TEAD1: variants seen among roughly 807,000 people sequenced by gnomAD.
TEAD1 encodes transcriptional enhancer factor TEF-1.
In TEAD1, 9 loss-of-function variants were observed where a neutral mutation model predicts 54.9. The ratio of observed to expected loss-of-function variants is 0.16; its 90% CI spans 0.10 to 0.29. TEAD1 has a LOEUF of 0.29. Ranked by LOEUF, TEAD1 falls within the 10% of genes least tolerant of loss-of-function variation. TEAD1 has a pLI of 1.00. For missense variants in TEAD1, 387 were observed against 535.9 expected (o/e 0.72, Z 2.74); for synonymous variants, 200 against 187.8 (o/e 1.07, Z -0.53).
At chr11:12,782,372 G>A (rs919177488) in intron 3 of TEAD1, among the ~76,000 whole-genome samples, 6 of 152,242 alleles carry the variant, frequency 3.9e-5, no homozygotes, top group Non-Finnish European at 7.4e-5. Flanking sequence ...CATATTGTAC[G>A]ATTCCATTTA....
In TEAD1 at chr11:12,730,416, G is replaced by GTT. The variant is rs59731479; in HGVS notation, c.-54-33738_-54-33737dup. ...TGAAACTTTTGATTCCCAGTTGAGTGTTTTTTTTTTTTTTTTTTTTTTTTT... is the reference window on the plus strand; with the variant it reads ...TGAAACTTTTGATTCCCAGTTGAGTGTTTTTTTTTTTTTTTTTTTTTTTTTTT... On this transcript the variant is annotated intron_variant, in intron 2 of 12. Transcript: ENST00000527636. 8.6e-3 allele frequency among the ~76,000 whole-genome samples: 521 copies of GTT among 60,238 alleles called. 48 individuals are homozygous for GTT. Among genetic ancestry groups the GTT allele is most frequent in the Non-Finnish European group, 0.013 (426 of 33,316 alleles). The allele number at this position is 60,238 out of a possible 152,430, so 39.5% of individuals were successfully genotyped here. A position where few individuals can be genotyped will look rare whatever the true frequency, so the allele number is the denominator to read the frequency against.
chr11:12,821,961 C>CTTTTTTTTTTTTTTTTTTTTTTTTT lies in TEAD1; in HGVS notation c.203-40269_203-40268insTTTTTTTTTTTTTTTTTTTTTTTTT, dbSNP rs10700151. On this transcript the variant is annotated intron_variant, in intron 3 of 12. Coordinates refer to ENST00000527636, the MANE Select transcript of TEAD1 (RefSeq NM_021961.6). ...TACTCTCTCTCCTTTTTCTCTTTTCCTTTTTTTTTTTTTTTTTTTTGAGAC... is the reference window on the plus strand; with the variant it reads ...TACTCTCTCTCCTTTTTCTCTTTTCCTTTTTTTTTTTTTTTTTTTTTTTTTTTTTTTTTTTTTTTTTTTTTGAGAC... Among the ~76,000 whole-genome samples, 38 of 68,066 alleles carry CTTTTTTTTTTTTTTTTTTTTTTTTT rather than the reference C, an allele frequency of 5.6e-4. 10 individuals carry two copies. Among genetic ancestry groups the CTTTTTTTTTTTTTTTTTTTTTTTTT allele is most frequent in the African/African-American group, 8.2e-4 (13 of 15,842 alleles). The allele number at this position is 68,066 out of a possible 152,430, so 44.7% of individuals were successfully genotyped here. A position where few individuals can be genotyped will look rare whatever the true frequency, so the allele number is the denominator to read the frequency against.
rs1373105455 is a variant in TEAD1 at position 12,943,618 on chromosome 11, A to G, written c.*6396A>G. On this transcript the variant is annotated 3_prime_UTR_variant, in exon 13 of 13. Coordinates refer to ENST00000527636, the MANE Select transcript of TEAD1 (RefSeq NM_021961.6). ...CTCTCGTTTATCATGAAATGGGGTC[A>G]GATTCCATCAGATTCCACCTCTGTC... 3 of 152,196 alleles carry G rather than the reference A, an allele frequency of 2.0e-5. No homozygotes were observed. The South Asian group carries it at 6.2e-4, about 31-fold the overall frequency. The allele number at this position is 152,196 out of a possible 1,614,324, so 9.4% of individuals were successfully genotyped here. A position where few individuals can be genotyped will look rare whatever the true frequency, so the allele number is the denominator to read the frequency against.
chr11:12,878,601 C>G (rs1947904039), intron 5 of TEAD1, among the ~76,000 whole-genome samples: 1 of 151,004 alleles, frequency 6.6e-6, no homozygotes, highest in African/African-American at 2.4e-5. Context: ...CCTGGGGAAG[C>G]CACAGAACCA....
chr11:12,814,279 CCTGGGCCA>C (rs1400846746), intron 3 of TEAD1, among the ~76,000 whole-genome samples: 1 of 152,146 alleles, frequency 6.6e-6, no homozygotes, highest in Non-Finnish European at 1.5e-5. Flanking sequence ...GTGATGGAGT[CCTGGGCCA>C]CTGGGGCAGT....
At chr11:12,729,977 C>T (rs1224470663) in intron 2 of TEAD1, among the ~76,000 whole-genome samples, 1 of 152,200 alleles carries the variant, frequency 6.6e-6, no homozygotes, top group African/African-American at 2.4e-5. Flanking sequence ...ATGCCTGGCA[C>T]TAAGACAGCC....
Position 12,883,789 on chromosome 11 carries a change from G to A in TEAD1, c.699+664G>A, listed in dbSNP as rs557127291. Among the ~76,000 whole-genome samples, 79 of 152,158 alleles carry A rather than the reference G, an allele frequency of 5.2e-4. 1 individual carries two copies. In the East Asian group the frequency reaches 0.014, roughly 26 times the overall value. On this transcript the variant is annotated intron_variant, in intron 9 of 12. Coordinates refer to ENST00000527636, the MANE Select transcript of TEAD1 (RefSeq NM_021961.6). ...AGCACTTTGGGAGGCCGAGGCAGGT[G>A]GATCACGAGGTCAGGAGATCAAGAC...
chr11:12,676,575 A>G (rs957118271), intron 2 of TEAD1, among the ~76,000 whole-genome samples: 1 of 152,224 alleles, frequency 6.6e-6, no homozygotes, highest in Non-Finnish European at 1.5e-5. Flanking sequence ...GACTAGACTT[A>G]AATCCAACTT....
chr11:12,847,100 C>T, intron 3 of TEAD1, among the ~76,000 whole-genome samples: 1 of 152,194 alleles, frequency 6.6e-6, no homozygotes, highest in Non-Finnish European at 1.5e-5. Flanking sequence ...CTGCGGCTTC[C>T]CCCTCCCTTT....
chr11:12,750,580 C>T (rs2133905728), intron 2 of TEAD1, among the ~76,000 whole-genome samples: 1 of 152,296 alleles, frequency 6.6e-6, no homozygotes, highest in Non-Finnish European at 1.5e-5. Context: ...CACACACGTA[C>T]ACCTTCAGGA....
At chr11:12,869,834 GCT>G (rs1947701803) in intron 5 of TEAD1, among the ~76,000 whole-genome samples, 1 of 151,932 alleles carries the variant, frequency 6.6e-6, no homozygotes, top group Admixed American at 6.6e-5. Flanking sequence ...TCCAGTGAAA[GCT>G]CTCTCTTCTC....
intron 3 of TEAD1, among the ~76,000 whole-genome samples, chr11:12,848,268 A>C (rs1947198329): frequency 6.6e-6 from 1 of 152,168 alleles, no homozygotes; most frequent in East Asian, 1.9e-4. Context: ...ATATTCTATA[A>C]ATTTTATTGA....
At chr11:12,801,284 C>A (rs1403293430) in intron 3 of TEAD1, among the ~76,000 whole-genome samples, 1 of 152,274 alleles carries the variant, frequency 6.6e-6, no homozygotes. Flanking sequence ...TCTTGATGGG[C>A]TATTGTGGAC....
intron 9 of TEAD1, among the ~76,000 whole-genome samples, chr11:12,887,003 A>G (rs1403918118): frequency 6.6e-6 from 1 of 151,730 alleles, no homozygotes; most frequent in Non-Finnish European, 1.5e-5. Context: ...CGCTTCTGAT[A>G]TTCCTATGTT....
intron 2 of TEAD1, 49 bp from the exon 3 acceptor site, chr11:12,764,130 A>T: frequency 8.4e-7 from 1 of 1,186,572 alleles, no homozygotes; most frequent in Non-Finnish European, 1.2e-6. Context: ...CAAGAGCATT[A>T]TGTTTGTGGT....
chr11:12,802,125 T>C (rs763646615), intron 3 of TEAD1, among the ~76,000 whole-genome samples: 28 of 152,310 alleles, frequency 1.8e-4, no homozygotes, highest in African/African-American at 4.1e-4. Context: ...GAACTAGATA[T>C]AGCTCAAAGG....
At position 12,744,001 on chromosome 11, in the gene TEAD1, G is replaced by T. The variant is rs78609862; in HGVS notation, c.-54-20178G>T. Among the ~76,000 whole-genome samples, 1,334 of 152,330 alleles carry T rather than the reference G, an allele frequency of 8.8e-3. 22 individuals carry two copies. Among genetic ancestry groups the T allele is most frequent in the African/African-American group, 0.03 (1,266 of 41,556 alleles). On this transcript the variant is annotated intron_variant, in intron 2 of 12. Coordinates refer to ENST00000527636, the MANE Select transcript of TEAD1 (RefSeq NM_021961.6). The stretch of plus-strand genomic sequence containing the variant: ...GTATAGTTGTACCAGTCGGGTACTG[G>T]AGGTGGTGTGGGAGAGTGTCTGAAA...
intron 2 of TEAD1, among the ~76,000 whole-genome samples, chr11:12,753,314 A>G (rs1413484745): frequency 1.3e-5 from 2 of 152,212 alleles, no homozygotes; most frequent in Admixed American, 1.3e-4. Context: ...GGAGGTATGC[A>G]TATAATCAGT....
At chr11:12,931,738 T>G (rs1379651568) in intron 12 of TEAD1, among the ~76,000 whole-genome samples, 1 of 152,172 alleles carries the variant, frequency 6.6e-6, no homozygotes, top group Non-Finnish European at 1.5e-5. Flanking sequence ...AACAATAATT[T>G]TTATGAGCCA....
Sources: gnomAD v4.1 joint callset for allele counts (sites outside exome capture counted in the v4.1 genomes callset) on GRCh38, gnomAD v4.1.1 for gene constraint, MANE v1.5 for transcripts, NCBI Gene and HGNC (gene_info 2026-07-23, HGNC 2026-07-21) for gene names.